SRRM4: variants seen among roughly 807,000 people sequenced by gnomAD.
The protein encoded by SRRM4 is serine/arginine repetitive matrix 4.
Under a neutral mutation model 68.9 loss-of-function variants are expected in SRRM4, and 33 were observed. That is an observed-to-expected ratio of 0.48 (90% CI 0.36 to 0.64). SRRM4 has a LOEUF of 0.64. SRRM4 is among the 30% of genes least tolerant of loss of function. SRRM4 has a pLI of 0.00. For synonymous variants in SRRM4, 318 were observed against 318.8 expected, an observed-to-expected ratio of 1.00 and a Z score of 0.03; for missense variants, 817 against 827.1, an observed-to-expected ratio of 0.99 and a Z score of 0.15.
chr12:119,114,896 C>G (rs893775817), intron 3 of SRRM4, among the ~76,000 whole-genome samples: 1 of 151,852 alleles, frequency 6.6e-6, no homozygotes, highest in African/African-American at 2.4e-5. Flanking sequence ...CATCTCCTGA[C>G]CTTGTGATCC....
At chr12:119,112,479 A>G (rs897651396) in intron 2 of SRRM4, among the ~76,000 whole-genome samples, 2 of 152,250 alleles carry the variant, frequency 1.3e-5, no homozygotes, top group Non-Finnish European at 2.9e-5. Flanking sequence ...ATGTCATTCT[A>G]TTATAAAGAT....
chr12:119,031,370 G>C (rs533905988), intron 1 of SRRM4: 2 of 152,148 alleles, frequency 1.3e-5, no homozygotes, highest in African/African-American at 4.8e-5. Context: ...GCAATCTTAC[G>C]TAACTTAACT....
intron 1 of SRRM4, among the ~76,000 whole-genome samples, chr12:119,088,667 G>C (rs1376526883): frequency 6.6e-6 from 1 of 151,560 alleles, no homozygotes; most frequent in East Asian, 1.9e-4. Flanking sequence ...ATTCCTTTTG[G>C]GGGGCGTGGG....
chr12:118,983,299 G>T (rs1000052422), intron 1 of SRRM4, among the ~76,000 whole-genome samples: 1 of 152,160 alleles, frequency 6.6e-6, no homozygotes, highest in Non-Finnish European at 1.5e-5. Flanking sequence ...GGGTGGCCAA[G>T]CATCACAACA....
chr12:119,038,368 T>A (rs1344041836), intron 1 of SRRM4, among the ~76,000 whole-genome samples: 1 of 151,974 alleles, frequency 6.6e-6, no homozygotes, highest in Non-Finnish European at 1.5e-5. Context: ...CCCGCCACCA[T>A]GCCTGGCTAA....
intron 1 of SRRM4, among the ~76,000 whole-genome samples, chr12:118,983,832 C>T (rs1261712886): frequency 6.6e-6 from 1 of 152,164 alleles, no homozygotes; most frequent in East Asian, 1.9e-4. Context: ...CAAGGTCTTT[C>T]AACCCTCATC....
At chr12:119,036,015 ATTTTCCTTTTCC>A (rs148849454) in intron 1 of SRRM4, among the ~76,000 whole-genome samples, 1 of 152,052 alleles carries the variant, frequency 6.6e-6, no homozygotes, top group African/African-American at 2.4e-5. Flanking sequence ...TCTTATTGTC[ATTTTCCTTTTCC>A]TTTTCCTTTT....
chr12:119,060,620 AC>A (rs765947576), intron 1 of SRRM4, among the ~76,000 whole-genome samples: 1 of 150,604 alleles, frequency 6.6e-6, no homozygotes, highest in African/African-American at 2.4e-5. Context: ...CTTTCACAAG[AC>A]CCCCTCCCAA....
chr12:119,113,901 C>G (rs73213751), intron 2 of SRRM4, among the ~76,000 whole-genome samples: 11,706 of 152,140 alleles, frequency 0.077, 489 homozygotes, highest in Admixed American at 0.1. Flanking sequence ...CCAGCAGGAA[C>G]TACGGACACG....
At chr12:119,135,650 A>C (rs1371227081) in intron 8 of SRRM4, among the ~76,000 whole-genome samples, 1 of 152,104 alleles carries the variant, frequency 6.6e-6, no homozygotes, top group African/African-American at 2.4e-5. Flanking sequence ...ACCAGGTGCT[A>C]GGCCAATTCT....
chr12:118,987,287 A>G (rs1336744079), intron 1 of SRRM4, among the ~76,000 whole-genome samples: 1 of 152,174 alleles, frequency 6.6e-6, no homozygotes, highest in Non-Finnish European at 1.5e-5. Context: ...TCCATAAAGC[A>G]GATGCTCTTG....
chr12:119,088,604 T>G (rs1180691072), intron 1 of SRRM4, among the ~76,000 whole-genome samples: 1 of 151,308 alleles, frequency 6.6e-6, no homozygotes, highest in Non-Finnish European at 1.5e-5. Flanking sequence ...CCACCAGTGA[T>G]GTCTTGGAGG....
intron 1 of SRRM4, among the ~76,000 whole-genome samples, chr12:119,032,475 T>C (rs1053192293): frequency 6.6e-6 from 1 of 152,230 alleles, no homozygotes; most frequent in African/African-American, 2.4e-5. Context: ...AGAGTATTAA[T>C]TTAAATGATC....
In SRRM4 at chr12:119,116,946, C is replaced by G. The variant is rs73213764; in HGVS notation, c.375C>G (p.Ser125=). Residue 125 remains serine (S), a synonymous_variant, in exon 4 of 13, where the codon TCC becomes TCG. Coordinates refer to ENST00000267260, the MANE Select transcript of SRRM4 (RefSeq NM_194286.4). ...STRKKRRRSS[S]YSPSPVKKKK... The stretch of plus-strand genomic sequence containing the variant: ...TTCTTGGCCCTGGCAGGTCCTCATC[C>G]TATAGCCCATCGCCTGTCAAGAAAA... The G allele has an allele frequency of 0.039, 62,955 of 1,613,106 alleles. 1,310 individuals are homozygous for G. The highest frequency in any genetic ancestry group is 0.046 in the African/African-American group (3,435 of 74,948).
chr12:119,043,701 G>A (rs1953684877), intron 1 of SRRM4, among the ~76,000 whole-genome samples: 1 of 151,554 alleles, frequency 6.6e-6, no homozygotes, highest in Non-Finnish European at 1.5e-5. Context: ...AAAAAAGAAA[G>A]GGCATGGGGA....
chr12:119,136,031 A>G (rs896429570), intron 8 of SRRM4, among the ~76,000 whole-genome samples: 2 of 152,156 alleles, frequency 1.3e-5, no homozygotes, highest in African/African-American at 2.4e-5. Context: ...CTGTGTGAAA[A>G]AAAGTATCCC....
At chr12:119,045,812 C>A (rs1040724092) in intron 1 of SRRM4, among the ~76,000 whole-genome samples, 1 of 151,936 alleles carries the variant, frequency 6.6e-6, no homozygotes, top group African/African-American at 2.4e-5. Context: ...CCAAGGTGGG[C>A]GGATCACCTG....
chr12:119,000,447 G>A (rs927067374), intron 1 of SRRM4, among the ~76,000 whole-genome samples: 1 of 152,100 alleles, frequency 6.6e-6, no homozygotes, highest in African/African-American at 2.4e-5. Context: ...CCAAGGACCC[G>A]TGAACTTTCC....
chr12:119,030,077 C>T (rs1348735226), intron 1 of SRRM4, among the ~76,000 whole-genome samples: 2 of 152,140 alleles, frequency 1.3e-5, no homozygotes, highest in Non-Finnish European at 2.9e-5. Flanking sequence ...ACAAATGAAA[C>T]GGAACAGCAA....
Sources: gnomAD v4.1 joint callset for allele counts (sites outside exome capture counted in the v4.1 genomes callset) on GRCh38, gnomAD v4.1.1 for gene constraint, MANE v1.5 for transcripts, NCBI Gene and HGNC (gene_info 2026-07-23, HGNC 2026-07-21) for gene names.